GLYAT: variants seen among roughly 807,000 people sequenced by gnomAD.
GLYAT encodes glycine N-acyltransferase.
GLYAT carries 25 observed loss-of-function variants against 22.8 expected under a neutral mutation model. The observed-to-expected ratio is 1.09, with a 90% CI of 0.80 to 1.53. The LOEUF (loss-of-function observed/expected upper bound fraction) is 1.53. Ranked by LOEUF, GLYAT falls within the 40% of genes most tolerant of loss-of-function variation. The probability of loss-of-function intolerance (pLI) is 0.00; values close to 1 mark genes in which losing one functional copy is unlikely to be tolerated. For synonymous variants in GLYAT, 140 were observed against 122.7 expected (o/e 1.14, Z -0.93); for missense variants, 411 against 353.9 (o/e 1.16, Z -1.29).
chr11:58,728,816 G>C (rs1472842430), intron 1 of GLYAT: 1 of 137,220 alleles, frequency 7.3e-6, no homozygotes, highest in African/African-American at 2.7e-5. Flanking sequence ...GAGAGAGAGA[G>C]AGAAAGAAAA....
rs370369666 is a variant in GLYAT at position 58,712,881 on chromosome 11, C to T, written c.195G>A (p.Met65Ile). 6.3e-7 allele frequency: 1 copy of T among 1,594,226 alleles called. No homozygotes were observed. The highest frequency in any genetic ancestry group is 8.6e-7 in the Non-Finnish European group (1 of 1,163,328). ...TGGTATAGTGATCAAGGTCATCTGT[C>T]ATATCCTGTTATCATTAGGAAAAAG... ...TVVVCPQEQD[M>I]TDDLDHYTNT... is the part of the protein sequence containing the mutation. The change falls in exon 4 of 6, where the codon ATG (methionine) becomes ATA (isoleucine). Residue 65 changes from methionine to isoleucine, a missense_variant. Transcript: ENST00000344743.
At chr11:58,711,245 T>G (rs1856613278) in intron 4 of GLYAT, among the ~76,000 whole-genome samples, 1 of 152,202 alleles carries the variant, frequency 6.6e-6, no homozygotes, top group South Asian at 2.1e-4. Flanking sequence ...TTAAAAGGTT[T>G]TAAGTTGCTA....
At chr11:58,730,351 T>G (rs1856859649) in intron 1 of GLYAT, among the ~76,000 whole-genome samples, 1 of 152,154 alleles carries the variant, frequency 6.6e-6, no homozygotes, top group Non-Finnish European at 1.5e-5. Flanking sequence ...CACACACCTG[T>G]AGCCCTAGCT....
chr11:58,724,015 G>T (rs1406412386), intron 2 of GLYAT, among the ~76,000 whole-genome samples: 1 of 151,980 alleles, frequency 6.6e-6, no homozygotes, highest in Non-Finnish European at 1.5e-5. Flanking sequence ...TAATAAACAA[G>T]TTAAACATTA....
chr11:58,712,457 G>T (rs925771930), intron 4 of GLYAT, among the ~76,000 whole-genome samples: 1 of 152,156 alleles, frequency 6.6e-6, no homozygotes, highest in African/African-American at 2.4e-5. Context: ...AGGAATAGAA[G>T]TCCAGAGGGA....
chr11:58,719,244 C>T (rs546486768), intron 2 of GLYAT, among the ~76,000 whole-genome samples: 16 of 151,986 alleles, frequency 1.1e-4, no homozygotes, highest in African/African-American at 3.9e-4. Context: ...CAGTGAAAAC[C>T]TTCATTTTTT....
chr11:58,720,434 G>A (rs970833634), intron 2 of GLYAT, among the ~76,000 whole-genome samples: 3 of 152,026 alleles, frequency 2.0e-5, no homozygotes, highest in Non-Finnish European at 4.4e-5. Context: ...GACATTGCAA[G>A]ATTATAACTG....
intron 2 of GLYAT, among the ~76,000 whole-genome samples, chr11:58,716,815 G>A (rs1269452150): frequency 6.6e-6 from 1 of 152,086 alleles, no homozygotes; most frequent in Non-Finnish European, 1.5e-5. Flanking sequence ...ACATGCCCAA[G>A]GTGGCTGGGC....
chr11:58,729,155 AAC>A (rs1459139604), intron 1 of GLYAT, among the ~76,000 whole-genome samples: 1 of 152,122 alleles, frequency 6.6e-6, no homozygotes, highest in Non-Finnish European at 1.5e-5. Flanking sequence ...GGATTTCTTC[AAC>A]ACAGTGTCTG....
rs75199208 is a variant in GLYAT at position 58,710,691 on chromosome 11, T to C, written c.387A>G (p.Thr129=). The C allele has an allele frequency of 9.0e-4, 1,456 of 1,613,604 alleles. 11 individuals are homozygous for C. In the African/African-American group the frequency reaches 0.017, roughly 19 times the overall value. ...AAIKSFKVKQ[T]QRILYMAAET... is the part of the protein sequence containing the mutation. Reference sequence around the variant, plus strand: ...CAGCTGCCATATAGAGAATGCGTTGTGTTTGTTTGACTTTGAAGGACTTAA... The same window carrying C: ...CAGCTGCCATATAGAGAATGCGTTGCGTTTGTTTGACTTTGAAGGACTTAA... The change falls in exon 5 of 6, where the codon ACA becomes ACG. Residue 129 remains threonine, a synonymous_variant. Transcript: ENST00000344743.
rs1565061058 is a variant in GLYAT at position 58,728,889 on chromosome 11, A to AAGGAAG, written c.-16+2945_-16+2946insCTTCCT. On this transcript the variant is annotated intron_variant, in intron 1 of 5. Coordinates refer to ENST00000344743, the MANE Select transcript of GLYAT (RefSeq NM_201648.3). ...AAGAAAGAAAGAAAGAAAGAAAGAAAGAAGGAAGGAAGGAAGGAAGGAAGG... is the reference window on the plus strand; with the variant it reads ...AAGAAAGAAAGAAAGAAAGAAAGAAAAGGAAGGAAGGAAGGAAGGAAGGAAGGAAGG... Among the ~76,000 whole-genome samples, 13 of 101,306 alleles carry AAGGAAG rather than the reference A, an allele frequency of 1.3e-4. No homozygotes were observed. In the East Asian group the frequency reaches 2.0e-3, roughly 16 times the overall value. The allele number at this position is 101,306 out of a possible 152,430, so 66.5% of individuals were successfully genotyped here.
intron 2 of GLYAT, among the ~76,000 whole-genome samples, chr11:58,715,961 C>T (rs1258450826): frequency 6.6e-6 from 1 of 152,094 alleles, no homozygotes; most frequent in Non-Finnish European, 1.5e-5. Flanking sequence ...GGTTTAAAGG[C>T]TATATACATG....
chr11:58,730,108 C>G (rs560716555), intron 1 of GLYAT, among the ~76,000 whole-genome samples: 2 of 152,134 alleles, frequency 1.3e-5, no homozygotes, highest in Non-Finnish European at 2.9e-5. Context: ...CGGGCATAAA[C>G]TTCAGAATCT....
chr11:58,720,161 G>A (rs1856731981), intron 2 of GLYAT, among the ~76,000 whole-genome samples: 1 of 150,878 alleles, frequency 6.6e-6, no homozygotes, highest in Admixed American at 6.6e-5. Flanking sequence ...GCTTTGAATT[G>A]GAAAAAAACT....
At chr11:58,725,412 G>A (rs767549259) in intron 1 of GLYAT, among the ~76,000 whole-genome samples, 1 of 152,202 alleles carries the variant, frequency 6.6e-6, no homozygotes, top group African/African-American at 2.4e-5. Context: ...GAACTGTGAT[G>A]TTTGGAAGAG....
intron 1 of GLYAT, among the ~76,000 whole-genome samples, chr11:58,728,889 A>AGAAAGAAGGAAGGAAG (rs1310407303): frequency 2.1e-4 from 21 of 101,304 alleles, no homozygotes; most frequent in African/African-American, 6.6e-4. Context: ...AAAGAAAGAA[A>AGAAAGAAGGAAGGAAG]GAAGGAAGGA....
chr11:58,731,128 A>T (rs1384120894), intron 1 of GLYAT, among the ~76,000 whole-genome samples: 1 of 152,192 alleles, frequency 6.6e-6, no homozygotes, highest in Non-Finnish European at 1.5e-5. Flanking sequence ...ATTTAAATAA[A>T]CAATAAATCT....
In GLYAT at chr11:58,718,614, C is replaced by A. The variant is rs1856712264; in HGVS notation, c.82-3191G>T. Among the ~76,000 whole-genome samples, 7 of 151,808 alleles carry A rather than the reference C, an allele frequency of 4.6e-5. No homozygotes were observed. In the South Asian group the frequency reaches 1.5e-3, roughly 31 times the overall value. ...AGGACCAACACAAGGCAACAATTTTCCATGGATGAAAAAAAGGTTTAAGGC... is the reference window on the plus strand; with the variant it reads ...AGGACCAACACAAGGCAACAATTTTACATGGATGAAAAAAAGGTTTAAGGC... On this transcript the variant is annotated intron_variant, in intron 2 of 5. Transcript: ENST00000344743.
intron 1 of GLYAT, among the ~76,000 whole-genome samples, chr11:58,728,885 AG>A: frequency 8.2e-6 from 1 of 121,664 alleles, no homozygotes; most frequent in South Asian, 2.9e-4. Flanking sequence ...AAAGAAAGAA[AG>A]AAAGAAGGAA....
Sources: allele counts gnomAD v4.1 joint callset (sites outside exome capture counted in the v4.1 genomes callset), GRCh38; gene constraint gnomAD v4.1.1; transcripts MANE v1.5; gene names NCBI Gene and HGNC (gene_info 2026-07-23, HGNC 2026-07-21).